The following NXPE2 variants were observed in gnomAD, a reference collection of about 807,000 sequenced individuals.
NXPE2 encodes NXPE family member 2.
A neutral mutation model predicts 34.4 loss-of-function variants in NXPE2; 34 were observed. That is an observed-to-expected ratio of 0.99 (90% CI 0.75 to 1.31). NXPE2 has a LOEUF of 1.31. Among genes scored for constraint, NXPE2 ranks in the 40% most tolerant of loss-of-function variants. The pLI, the probability that NXPE2 is intolerant of heterozygous loss-of-function variation, is 0.00. For synonymous variants in NXPE2, 235 were observed against 231.3 expected, an observed-to-expected ratio of 1.02 and a Z score of -0.15; for missense variants, 649 against 672.5, an observed-to-expected ratio of 0.97 and a Z score of 0.39.
the NXPE2 span, among the ~76,000 whole-genome samples, chr11:114,482,172 AAAT>A: frequency 6.6e-6 from 1 of 152,156 alleles, no homozygotes; most frequent in African/African-American, 2.4e-5. Context: ...GAGATGAAAA[AAAT>A]ATATTTCCTG....
chr11:114,671,438 C>T, the NXPE2 span, among the ~76,000 whole-genome samples: 2 of 151,750 alleles, frequency 1.3e-5, no homozygotes, highest in African/African-American at 4.8e-5. Flanking sequence ...ATCCAAGATA[C>T]TTAATAAAGT....
the NXPE2 span, among the ~76,000 whole-genome samples, chr11:114,588,247 A>T: frequency 6.6e-6 from 1 of 150,966 alleles, no homozygotes; most frequent in Non-Finnish European, 1.5e-5. Context: ...AAAACTCCCC[A>T]CTCCCCTAGC....
the NXPE2 span, among the ~76,000 whole-genome samples, chr11:114,576,504 GAAAAAAAAAGT>G: frequency 1.3e-5 from 2 of 149,686 alleles, no homozygotes; most frequent in South Asian, 4.2e-4. Context: ...AAATCAGCAA[GAAAAAAAAAGT>G]CCCATCAAAA....
the NXPE2 span, among the ~76,000 whole-genome samples, chr11:114,808,336 C>G: frequency 6.6e-6 from 1 of 151,216 alleles, no homozygotes; most frequent in African/African-American, 2.4e-5. Flanking sequence ...CAAGAAATAA[C>G]TAAAATCAGA....
At chr11:114,587,521 A>T in the NXPE2 span, among the ~76,000 whole-genome samples, 1 of 152,228 alleles carries the variant, frequency 6.6e-6, no homozygotes, top group African/African-American at 2.4e-5. Context: ...GTCAAAGGGA[A>T]ATCACCAGCA....
chr11:114,744,607 T>C, the NXPE2 span, among the ~76,000 whole-genome samples: 457 of 152,188 alleles, frequency 3.0e-3, 1 homozygote, highest in African/African-American at 0.01. Flanking sequence ...TTCAGGAGTT[T>C]GAGACCAGCC....
At chr11:114,479,009 A>C in the NXPE2 span, among the ~76,000 whole-genome samples, 17 of 152,310 alleles carry the variant, frequency 1.1e-4, no homozygotes, top group African/African-American at 4.1e-4. Context: ...AGTGCCATCT[A>C]TAGGATAATA....
the NXPE2 span, chr11:114,570,663 C>T: frequency 1.6e-5 from 4 of 248,824 alleles, no homozygotes; most frequent in Non-Finnish European, 3.0e-5. Context: ...GAACTTTTAC[C>T]CATAGGTGTC....
chr11:114,711,785 T>G (rs1298283825), downstream of NXPE2, among the ~76,000 whole-genome samples: 1 of 152,106 alleles, frequency 6.6e-6, no homozygotes, highest in Non-Finnish European at 1.5e-5. Context: ...GGATGTTGAG[T>G]AGCCTAAATA....
the NXPE2 span, among the ~76,000 whole-genome samples, chr11:114,792,438 T>G: frequency 6.6e-6 from 1 of 152,220 alleles, no homozygotes; most frequent in Admixed American, 6.5e-5. Context: ...GTAAACTTAA[T>G]TTCTAATTTC....
chr11:114,572,451 CTTAAA>C, the NXPE2 span, among the ~76,000 whole-genome samples: 1 of 151,834 alleles, frequency 6.6e-6, no homozygotes, highest in Non-Finnish European at 1.5e-5. Context: ...TGAAGTCCAA[CTTAAA>C]TTAAAAACAT....
chr11:114,614,583 G>A, the NXPE2 span, among the ~76,000 whole-genome samples: 10 of 151,200 alleles, frequency 6.6e-5, no homozygotes, highest in East Asian at 5.9e-4. Context: ...ACTGTTACCC[G>A]GTGGATAGTA....
At chr11:114,787,713 G>GTATC in the NXPE2 span, among the ~76,000 whole-genome samples, 4 of 152,120 alleles carry the variant, frequency 2.6e-5, no homozygotes, top group Non-Finnish European at 4.4e-5. Context: ...TACTATGTAT[G>GTATC]TATCTATCTA....
At chr11:114,469,642 C>G in the NXPE2 span, among the ~76,000 whole-genome samples, 17 of 151,648 alleles carry the variant, frequency 1.1e-4, no homozygotes, top group Non-Finnish European at 2.2e-4. Flanking sequence ...TGCACCCCCC[C>G]CACCACACCC....
In NXPE2 at chr11:114,706,006, T is replaced by TTCAAA; in HGVS notation, c.1144+10_1144+11insTCAAA. 2 of 1,215,982 alleles carry TTCAAA rather than the reference T, an allele frequency of 1.6e-6. No individual in the cohort carries two copies. The highest frequency in any genetic ancestry group is 3.1e-5 in the African/African-American group (2 of 63,592). 75.3% of individuals were successfully genotyped at this position (1,215,982 alleles called of 1,614,324 possible). A position where few individuals can be genotyped will look rare whatever the true frequency, so the allele number is the denominator to read the frequency against. On this transcript the variant is annotated intron_variant, in intron 5 of 5. Coordinates refer to ENST00000389586, the MANE Select transcript of NXPE2 (RefSeq NM_182495.6). ...CAAAAAGCTGTGAAAAGTATGTATTTAATTTATATTTTGAAATTCTATTTG... is the reference window on the plus strand; with the variant it reads ...CAAAAAGCTGTGAAAAGTATGTATTTTCAAAAATTTATATTTTGAAATTCTATTTG...
the NXPE2 span, among the ~76,000 whole-genome samples, chr11:114,626,944 T>C: frequency 6.6e-6 from 1 of 150,764 alleles, no homozygotes; most frequent in African/African-American, 2.4e-5. Flanking sequence ...ATGAATGAAA[T>C]GAAGTGAGAA....
chr11:114,490,525 C>T, the NXPE2 span, among the ~76,000 whole-genome samples: 2 of 152,122 alleles, frequency 1.3e-5, no homozygotes, highest in African/African-American at 2.4e-5. Context: ...TGGAACAGAA[C>T]AGAGACCTCA....
the NXPE2 span, among the ~76,000 whole-genome samples, chr11:114,726,414 G>C: frequency 2.8e-4 from 43 of 151,970 alleles, no homozygotes; most frequent in African/African-American, 1.0e-3. Context: ...TCCTTTCTGT[G>C]TTGCCCAGGC....
chr11:114,582,191 C>A, the NXPE2 span: 1 of 1,348,240 alleles, frequency 7.4e-7, no homozygotes, highest in Non-Finnish European at 1.0e-6. Context: ...ACTAAAGACA[C>A]CCAAAATTAA....
Sources: gnomAD v4.1 joint callset for allele counts (sites outside exome capture counted in the v4.1 genomes callset) on GRCh38, gnomAD v4.1.1 for gene constraint, MANE v1.5 for transcripts, NCBI Gene and HGNC (gene_info 2026-07-23, HGNC 2026-07-21) for gene names.